The following TRPS1 variants were observed in gnomAD, a reference collection of about 807,000 sequenced individuals.
The protein encoded by TRPS1 is transcriptional repressor GATA binding 1.
In TRPS1, 6 loss-of-function variants were observed where a neutral mutation model predicts 101.2. The ratio of observed to expected loss-of-function variants is 0.06; its 90% confidence interval spans 0.03 to 0.12. The LOEUF (loss-of-function observed/expected upper bound fraction) is 0.12. Among genes scored for constraint, TRPS1 ranks in the 10% least tolerant of loss-of-function variants. The pLI, the probability that TRPS1 is intolerant of heterozygous loss-of-function variation, is 1.00. For synonymous variants in TRPS1, 578 were observed against 589.8 expected (o/e 0.98, Z 0.29); for missense variants, 1,363 against 1,567.0 (o/e 0.87, Z 2.20).
Position 115,409,540 on chromosome 8 carries a change from C to T in TRPS1, c.*4483G>A, listed in dbSNP as rs932757280. 6.6e-6 allele frequency: 1 copy of T among 152,136 alleles called. No individual in the cohort carries two copies. The highest frequency in any genetic ancestry group is 2.4e-5 in the African/African-American group (1 of 41,526). The allele number at this position is 152,136 out of a possible 1,614,324, so 9.4% of individuals were successfully genotyped here. A position where few individuals can be genotyped will look rare whatever the true frequency, so the allele number is the denominator to read the frequency against. On this transcript the variant is annotated 3_prime_UTR_variant, in exon 7 of 7. Transcript: ENST00000395715. ...GACATACTTCTGCCCTAGCATATTCCAGAAGTTCTAATTACTGCAATTAAC... is the reference window on the plus strand; with the variant it reads ...GACATACTTCTGCCCTAGCATATTCTAGAAGTTCTAATTACTGCAATTAAC...
chr8:115,600,649 T>G lies in TRPS1; in HGVS notation c.2096+3224A>C, dbSNP rs572797368. Among the ~76,000 whole-genome samples the G allele has an allele frequency of 2.0e-5, 3 of 151,970 alleles. No homozygotes were observed. The South Asian group carries it at 6.2e-4, about 31-fold the overall frequency. Reference sequence around the variant, plus strand: ...TACTCTGTGTTTAGTGCACTCTTGATGAAAGGGAGAACAAAGGCTCCAAAA... The same window carrying G: ...TACTCTGTGTTTAGTGCACTCTTGAGGAAAGGGAGAACAAAGGCTCCAAAA... On this transcript the variant is annotated intron_variant, in intron 4 of 6. Coordinates refer to ENST00000395715, the MANE Select transcript of TRPS1 (RefSeq NM_014112.5).
intron 4 of TRPS1, among the ~76,000 whole-genome samples, chr8:115,601,184 T>C (rs1817899544): frequency 6.6e-6 from 1 of 152,194 alleles, no homozygotes; most frequent in Non-Finnish European, 1.5e-5. Context: ...TTAAGTCTTC[T>C]ATATAAAGCA....
intron 5 of TRPS1, among the ~76,000 whole-genome samples, chr8:115,562,260 C>T (rs1816963188): frequency 6.6e-6 from 1 of 151,810 alleles, no homozygotes; most frequent in Admixed American, 6.6e-5. Flanking sequence ...AAGACCATTC[C>T]CTTTATTTTG....
At chr8:115,416,161 T>C (rs1312532056) in intron 6 of TRPS1, among the ~76,000 whole-genome samples, 1 of 152,142 alleles carries the variant, frequency 6.6e-6, no homozygotes, top group Admixed American at 6.6e-5. Flanking sequence ...TTAAAGTAAG[T>C]GCTAACTTTC....
At chr8:115,624,151 A>G (rs1416544307) in intron 1 of TRPS1, among the ~76,000 whole-genome samples, 2 of 20,816 alleles carry the variant, frequency 9.6e-5, no homozygotes, top group Non-Finnish European at 1.9e-4. Flanking sequence ...TAATCACAAC[A>G]ATGAACACAG....
At chr8:115,607,855 C>T (rs1272545374) in intron 3 of TRPS1, among the ~76,000 whole-genome samples, 1 of 151,918 alleles carries the variant, frequency 6.6e-6, no homozygotes, top group Non-Finnish European at 1.5e-5. Context: ...AGATGACATA[C>T]AACATTTAAA....
chr8:115,553,069 A>T (rs1187101908), intron 5 of TRPS1, among the ~76,000 whole-genome samples: 1 of 152,060 alleles, frequency 6.6e-6, no homozygotes, highest in Non-Finnish European at 1.5e-5. Context: ...TACTAAAGAA[A>T]CTCAAAGCGT....
In TRPS1 at chr8:115,415,039, T is replaced by C. The variant is rs1276126355; in HGVS notation, c.2869A>G (p.Ile957Val). ...CGCTTTCTTGTTCTCCTCCTAATAA[T>C]CTGCTCACCGTTGTTTTGTTTAATG... ...NIIKQNNGEQIIRRRTRKRLN... is the reference protein window; with the variant it reads ...NIIKQNNGEQVIRRRTRKRLN... The change falls in exon 7 of 7, where the codon ATT becomes GTT. Residue 957 changes from isoleucine to valine, a missense_variant. This residue lies in a region of TRPS1 where 12 missense variants were observed against 28.0 expected (regional missense o/e 0.43). Coordinates refer to ENST00000395715, the MANE Select transcript of TRPS1 (RefSeq NM_014112.5). The C allele has an allele frequency of 6.3e-7, 1 of 1,591,460 alleles. No individual in the cohort carries two copies. The highest frequency in any genetic ancestry group is 1.4e-5 in the African/African-American group (1 of 73,296).
At chr8:115,556,024 AAAAAT>A (rs1330408728) in intron 5 of TRPS1, among the ~76,000 whole-genome samples, 1 of 152,224 alleles carries the variant, frequency 6.6e-6, no homozygotes, top group Non-Finnish European at 1.5e-5. Flanking sequence ...TTGTCTGAAA[AAAAAT>A]AAAATAAAAT....
chr8:115,530,189 T>A (rs1816096701), intron 5 of TRPS1, among the ~76,000 whole-genome samples: 1 of 152,182 alleles, frequency 6.6e-6, no homozygotes, highest in Non-Finnish European at 1.5e-5. Flanking sequence ...TAATATTCCA[T>A]AATATTCCAG....
chr8:115,613,397 A>G (rs557000187), intron 3 of TRPS1, among the ~76,000 whole-genome samples: 6 of 152,228 alleles, frequency 3.9e-5, no homozygotes, highest in Non-Finnish European at 7.3e-5. Flanking sequence ...CAAGTCCCCA[A>G]AATCAACCTC....
intron 5 of TRPS1, among the ~76,000 whole-genome samples, chr8:115,571,484 T>C (rs1817202365): frequency 6.6e-6 from 1 of 152,180 alleles, no homozygotes; most frequent in South Asian, 2.1e-4. Context: ...GCTTGGAAGA[T>C]TTTAATCAAG....
At chr8:115,533,439 T>A (rs1249679519) in intron 5 of TRPS1, among the ~76,000 whole-genome samples, 1 of 116,696 alleles carries the variant, frequency 8.6e-6, no homozygotes, top group East Asian at 2.5e-4. Context: ...GTAATCTGTT[T>A]TTTTTTTTTT....
At chr8:115,607,873 C>A (rs533729876) in intron 3 of TRPS1, among the ~76,000 whole-genome samples, 1 of 152,096 alleles carries the variant, frequency 6.6e-6, no homozygotes, top group East Asian at 1.9e-4. Context: ...AAATGCCATT[C>A]TACAATAAAA....
At chr8:115,571,148 C>T (rs1350409022) in intron 5 of TRPS1, among the ~76,000 whole-genome samples, 5 of 152,156 alleles carry the variant, frequency 3.3e-5, no homozygotes, top group African/African-American at 9.6e-5. Context: ...TTGGAAATAA[C>T]TACTTAAAAG....
intron 5 of TRPS1, among the ~76,000 whole-genome samples, chr8:115,466,173 A>T (rs1444774575): frequency 6.6e-6 from 1 of 152,154 alleles, no homozygotes; most frequent in African/African-American, 2.4e-5. Context: ...GGCTAAAAAA[A>T]CTTCAGCTTA....
intron 5 of TRPS1, among the ~76,000 whole-genome samples, chr8:115,483,570 C>T (rs1158589963): frequency 6.6e-6 from 1 of 151,744 alleles, no homozygotes; most frequent in Admixed American, 6.6e-5. Flanking sequence ...TAAGTATCAT[C>T]CTATGATAAA....
intron 1 of TRPS1, among the ~76,000 whole-genome samples, chr8:115,629,737 C>A (rs1818597640): frequency 6.6e-6 from 1 of 151,838 alleles, no homozygotes; most frequent in Non-Finnish European, 1.5e-5. Context: ...CATATAGTTA[C>A]AATCAGTAGT....
At position 115,412,543 on chromosome 8, in the gene TRPS1, A is replaced by C. The variant is rs1180630512; in HGVS notation, c.*1480T>G. The C allele has an allele frequency of 1.3e-5, 2 of 152,490 alleles. No individual in the cohort carries two copies. The highest frequency in any genetic ancestry group is 2.4e-5 in the African/African-American group (1 of 41,422). 9.4% of individuals were successfully genotyped at this position (152,490 alleles called of 1,614,324 possible). On this transcript the variant is annotated 3_prime_UTR_variant, in exon 7 of 7. Transcript: ENST00000395715. ...TACATTAATATTTACTAGAAAAATA[A>C]GTTTTTTTTTTCCTATTTGTTCTCC...
Sources: gnomAD v4.1 joint callset for allele counts (sites outside exome capture counted in the v4.1 genomes callset) on GRCh38, gnomAD v4.1.1 for gene constraint, gnomAD v4.1.1 regional missense constraint, MANE v1.5 for transcripts, NCBI Gene and HGNC (gene_info 2026-07-23, HGNC 2026-07-21) for gene names.